The following CADPS2 variants were observed in gnomAD, a reference collection of about 807,000 sequenced individuals.
The protein encoded by CADPS2 is calcium dependent secretion activator 2.
Under a neutral mutation model 172.5 loss-of-function variants are expected in CADPS2, and 93 were observed. The ratio of observed to expected loss-of-function variants is 0.54; its 90% CI spans 0.46 to 0.64. The LOEUF (loss-of-function observed/expected upper bound fraction) is 0.64, where lower values mean the gene tolerates loss of function less well. Ranked by LOEUF, CADPS2 falls within the 30% of genes least tolerant of loss-of-function variation. CADPS2 has a pLI of 0.00. For synonymous variants in CADPS2, 546 were observed against 555.2 expected (o/e 0.98, Z 0.23); for missense variants, 1,420 against 1,565.9 (o/e 0.91, Z 1.57).
At chr7:122,571,047 T>A (rs181197744) in intron 7 of CADPS2, among the ~76,000 whole-genome samples, 3 of 151,778 alleles carry the variant, frequency 2.0e-5, no homozygotes, top group Non-Finnish European at 2.9e-5. Context: ...AATAAAAAAA[T>A]TTAAAAAAGA....
chr7:122,837,259 T>A (rs1376534540), intron 1 of CADPS2, among the ~76,000 whole-genome samples: 1 of 152,100 alleles, frequency 6.6e-6, no homozygotes, highest in Non-Finnish European at 1.5e-5. Flanking sequence ...CACCAGAATC[T>A]CTGGGACACA....
At chr7:122,352,513 A>G (rs2038821967) in intron 27 of CADPS2, among the ~76,000 whole-genome samples, 1 of 152,240 alleles carries the variant, frequency 6.6e-6, no homozygotes, top group African/African-American at 2.4e-5. Context: ...CCAGACAGAC[A>G]AAACACAAAG....
chr7:122,359,505 T>C (rs2039858290), intron 27 of CADPS2, among the ~76,000 whole-genome samples: 1 of 152,086 alleles, frequency 6.6e-6, no homozygotes, highest in Admixed American at 6.5e-5. Context: ...CCTCAAAATC[T>C]CTAAGAACAT....
At chr7:122,734,356 T>A (rs1326414124) in intron 2 of CADPS2, among the ~76,000 whole-genome samples, 6 of 46,276 alleles carry the variant, frequency 1.3e-4, no homozygotes, top group East Asian at 2.1e-3. Flanking sequence ...CCAGAAATAG[T>A]AAAAAAAAAA....
intron 8 of CADPS2, among the ~76,000 whole-genome samples, chr7:122,520,145 AC>A (rs1337069056): frequency 6.6e-6 from 1 of 152,064 alleles, no homozygotes; most frequent in Non-Finnish European, 1.5e-5. Flanking sequence ...GACAGCAGGA[AC>A]AAAAACTTTT....
chr7:122,858,010 G>C lies in CADPS2; in HGVS notation c.339+27989C>G, dbSNP rs147042985. On this transcript the variant is annotated intron_variant, in intron 1 of 29. Coordinates refer to ENST00000449022, the MANE Select transcript of CADPS2 (RefSeq NM_017954.11). Reference sequence around the variant, plus strand: ...GCAACATTTATCGTGAAGAGCGAAAGAACAAAGCTTCCACAGTGTGGAAGG... The same window carrying C: ...GCAACATTTATCGTGAAGAGCGAAACAACAAAGCTTCCACAGTGTGGAAGG... Among the ~76,000 whole-genome samples the C allele has an allele frequency of 6.6e-4, 100 of 152,238 alleles. 1 individual carries two copies. Among genetic ancestry groups the C allele is most frequent in the African/African-American group, 2.2e-3 (93 of 41,562 alleles).
At chr7:122,779,463 A>G (rs990769627) in intron 1 of CADPS2, among the ~76,000 whole-genome samples, 1 of 152,142 alleles carries the variant, frequency 6.6e-6, no homozygotes, top group African/African-American at 2.4e-5. Flanking sequence ...TATCATACCC[A>G]CAGACATTTC....
intron 15 of CADPS2, among the ~76,000 whole-genome samples, chr7:122,449,361 G>A (rs1008347678): frequency 2.6e-5 from 4 of 152,210 alleles, no homozygotes; most frequent in African/African-American, 9.6e-5. Flanking sequence ...TGTCATCCAA[G>A]CTGGAGTGCA....
intron 2 of CADPS2, among the ~76,000 whole-genome samples, chr7:122,711,212 T>C (rs2088657333): frequency 6.6e-6 from 1 of 152,156 alleles, no homozygotes; most frequent in African/African-American, 2.4e-5. Flanking sequence ...TACATCTCTG[T>C]ATCTGAAAAA....
chr7:122,583,630 TA>T (rs952335080), intron 6 of CADPS2, among the ~76,000 whole-genome samples: 25 of 150,750 alleles, frequency 1.7e-4, no homozygotes, highest in Non-Finnish European at 2.5e-4. Flanking sequence ...ACATAATATA[TA>T]AAAAATATAT....
chr7:122,556,767 T>C (rs1171511037), intron 7 of CADPS2, among the ~76,000 whole-genome samples: 1 of 152,270 alleles, frequency 6.6e-6, no homozygotes, highest in African/African-American at 2.4e-5. Context: ...TATGTGAGGA[T>C]ACACAAAGAT....
At chr7:122,735,566 C>T (rs761609544) in intron 2 of CADPS2, among the ~76,000 whole-genome samples, 1 of 152,028 alleles carries the variant, frequency 6.6e-6, no homozygotes, top group African/African-American at 2.4e-5. Flanking sequence ...TCATACTACG[C>T]TTACTTTTAA....
chr7:122,350,261 AT>A (rs1231079646), intron 27 of CADPS2, among the ~76,000 whole-genome samples: 1 of 152,212 alleles, frequency 6.6e-6, no homozygotes, highest in East Asian at 1.9e-4. Context: ...AGTAGGAGCA[AT>A]TTATATCTCA....
At chr7:122,659,219 C>T (rs1294775560) in intron 3 of CADPS2, among the ~76,000 whole-genome samples, 1 of 148,486 alleles carries the variant, frequency 6.7e-6, no homozygotes, top group East Asian at 2.0e-4. Flanking sequence ...GGCTAAGGGC[C>T]CTAATGTAAA....
At chr7:122,621,244 A>G (rs1019631517) in intron 5 of CADPS2, among the ~76,000 whole-genome samples, 1 of 152,184 alleles carries the variant, frequency 6.6e-6, no homozygotes, top group African/African-American at 2.4e-5. Context: ...GGCATAAAGA[A>G]GACTTGCCTT....
At chr7:122,820,281 G>A (rs1269340646) in intron 1 of CADPS2, among the ~76,000 whole-genome samples, 1 of 152,068 alleles carries the variant, frequency 6.6e-6, no homozygotes, top group African/African-American at 2.4e-5. Flanking sequence ...AGGCTGCACT[G>A]CCACAAAGCT....
At chr7:122,819,966 C>T (rs1370603207) in intron 1 of CADPS2, among the ~76,000 whole-genome samples, 7 of 152,178 alleles carry the variant, frequency 4.6e-5, no homozygotes, top group Admixed American at 4.6e-4. Context: ...TAGCCTGCTA[C>T]AGCATGGCCT....
intron 9 of CADPS2, among the ~76,000 whole-genome samples, chr7:122,503,031 T>A: frequency 6.5e-4 from 1 of 1,532 alleles, no homozygotes; most frequent in African/African-American, 1.1e-3. Flanking sequence ...AGAAAAAAAC[T>A]TTTTTTTTTT....
At chr7:122,823,441 C>A (rs1204639235) in intron 1 of CADPS2, among the ~76,000 whole-genome samples, 1 of 151,968 alleles carries the variant, frequency 6.6e-6, no homozygotes, top group African/African-American at 2.4e-5. Context: ...TACCCCCTGC[C>A]CCCAGACAGG....
Sources: allele counts gnomAD v4.1 joint callset (sites outside exome capture counted in the v4.1 genomes callset), GRCh38; gene constraint gnomAD v4.1.1; transcripts MANE v1.5; gene names NCBI Gene and HGNC (gene_info 2026-07-23, HGNC 2026-07-21).